The following SLC6A6 variants were observed in gnomAD, a reference collection of about 807,000 sequenced individuals.
The protein encoded by SLC6A6 is sodium- and chloride-dependent taurine transporter.
A neutral mutation model predicts 68.8 loss-of-function variants in SLC6A6; 16 were observed. The observed-to-expected ratio is 0.23, with a 90% confidence interval of 0.16 to 0.35. The LOEUF is 0.35. SLC6A6 is among the 10% of genes least tolerant of loss of function. SLC6A6 has a pLI of 1.00. For synonymous variants in SLC6A6, 312 were observed against 315.4 expected, an observed-to-expected ratio of 0.99 and a Z score of 0.12; for missense variants, 474 against 802.8, an observed-to-expected ratio of 0.59 and a Z score of 4.95.
intron 10 of SLC6A6, among the ~76,000 whole-genome samples, chr3:14,473,443 G>A (rs1700799532): frequency 1.3e-5 from 2 of 152,140 alleles, no homozygotes; most frequent in Admixed American, 6.5e-5. Context: ...GTTGGAGCTT[G>A]CAGCCAGGGC....
intron 14 of SLC6A6, among the ~76,000 whole-genome samples, chr3:14,482,434 C>T (rs1299582329): frequency 6.6e-6 from 1 of 152,260 alleles, no homozygotes; most frequent in South Asian, 2.1e-4. Context: ...AGAAATTCCT[C>T]CAACAGCCCT....
chr3:14,483,458 G>A (rs999556413), intron 14 of SLC6A6, among the ~76,000 whole-genome samples: 1 of 152,188 alleles, frequency 6.6e-6, no homozygotes, highest in Non-Finnish European at 1.5e-5. Context: ...CTCCTGTGTA[G>A]GCAGAGCCCC....
At chr3:14,458,235 T>TC in intron 6 of SLC6A6, among the ~76,000 whole-genome samples, 153 bp downstream of exon 6, 1 of 152,288 alleles carries the variant, frequency 6.6e-6, no homozygotes, top group African/African-American at 2.4e-5. Flanking sequence ...AAAGTAAAAC[T>TC]CAGGTTTGTT....
intron 8 of SLC6A6, 37 bp downstream of exon 8, chr3:14,467,993 AATGATG>A: frequency 6.2e-7 from 1 of 1,607,886 alleles, no homozygotes; most frequent in African/African-American, 1.3e-5. Context: ...GGACTTTAGA[AATGATG>A]ATGATGATGT....
chr3:14,409,290 G>A (rs1462735715), intron 1 of SLC6A6, among the ~76,000 whole-genome samples: 1 of 152,224 alleles, frequency 6.6e-6, no homozygotes, highest in East Asian at 1.9e-4. Context: ...CACCCCCAGT[G>A]CTGCCAGCTC....
In SLC6A6 at chr3:14,479,104, T is replaced by C. The variant is rs1574967928; in HGVS notation, c.1470T>C (p.Asp490=). The part of the protein sequence containing the change: ...AWIYGGDNLY[D]GIEDMIGYRP... ...TTGCAGGAGGTGATAACCTTTATGA[T>C]GGTATTGAGGACATGATTGGCTATC... The change falls in exon 13 of 15, where the codon GAT becomes GAC. Residue 490 remains aspartate, a synonymous_variant. Transcript: ENST00000622186. The C allele has an allele frequency of 6.2e-7, 1 of 1,611,636 alleles. No individual in the cohort carries two copies. The highest frequency in any genetic ancestry group is 1.1e-5 in the South Asian group (1 of 91,034).
intron 4 of SLC6A6, 149 bp from the exon 5 acceptor site, chr3:14,447,433 C>T: frequency 1.1e-6 from 1 of 912,798 alleles, no homozygotes; most frequent in Non-Finnish European, 1.7e-6. Context: ...ACCAGCCATC[C>T]ATTCACCCTA....
At chr3:14,467,637 AG>A (rs1213041393) in intron 7 of SLC6A6, among the ~76,000 whole-genome samples, 1 of 152,184 alleles carries the variant, frequency 6.6e-6, no homozygotes, top group Non-Finnish European at 1.5e-5. Flanking sequence ...CCCTGATGCT[AG>A]GTCGCTGGGA....
At chr3:14,479,813 G>T (rs947008524) in intron 13 of SLC6A6, among the ~76,000 whole-genome samples, 1 of 152,170 alleles carries the variant, frequency 6.6e-6, no homozygotes, top group Admixed American at 6.5e-5. Flanking sequence ...CTTCATGGTC[G>T]CACTCCAGGG....
At chr3:14,478,783 G>T (rs1700941521) in intron 12 of SLC6A6, 1 of 597,910 alleles carries the variant, frequency 1.7e-6, no homozygotes, top group African/African-American at 1.9e-5. Context: ...CACAGTTTCA[G>T]AACTTGGTTG....
rs1268966098 is a variant in SLC6A6 at position 14,468,688 on chromosome 3, ACT to A, written c.1096+479_1096+480del. 6.6e-6 allele frequency among the ~76,000 whole-genome samples: 1 copy of A among 151,916 alleles called. No individual in the cohort carries two copies. The highest frequency in any genetic ancestry group is 6.6e-5 in the Admixed American group (1 of 15,252). ...ACCGATTTCTCGTGAATGAGTCCCA[ACT>A]CTGTGTCAGGCACCACCGTAGGCAC... is the stretch of plus-strand genomic sequence containing the variant. On this transcript the variant is annotated intron_variant, in intron 9 of 14. Coordinates refer to ENST00000622186, the MANE Select transcript of SLC6A6 (RefSeq NM_003043.6). This position sits in a 1 kb window ranked among gnomAD's most constrained non-coding sequence, Gnocchi z 4.5.
intron 5 of SLC6A6, among the ~76,000 whole-genome samples, chr3:14,454,345 A>C (rs1700321515): frequency 1.3e-5 from 2 of 152,098 alleles, no homozygotes; most frequent in African/African-American, 4.8e-5. Flanking sequence ...TGGGGTACTT[A>C]GGAGGCACAG....
At chr3:14,464,251 A>G (rs999269774) in intron 6 of SLC6A6, among the ~76,000 whole-genome samples, 1 of 152,206 alleles carries the variant, frequency 6.6e-6, no homozygotes, top group Non-Finnish European at 1.5e-5. Flanking sequence ...GGGGAGAATC[A>G]GTAAACTGCC....
intron 5 of SLC6A6, chr3:14,448,150 T>G (rs1400287813): frequency 1.9e-5 from 18 of 968,028 alleles, no homozygotes; most frequent in Non-Finnish European, 2.3e-5. Flanking sequence ...CTTAATGTAT[T>G]TTAGGAAAAA....
At chr3:14,415,753 C>T (rs576990773) in intron 1 of SLC6A6, among the ~76,000 whole-genome samples, 3 of 152,156 alleles carry the variant, frequency 2.0e-5, no homozygotes, top group African/African-American at 2.4e-5. Flanking sequence ...TAGTCACGTC[C>T]GGGACTGCTT....
intron 5 of SLC6A6, among the ~76,000 whole-genome samples, chr3:14,455,807 A>T (rs1420927567): frequency 6.6e-6 from 1 of 152,188 alleles, no homozygotes; most frequent in Non-Finnish European, 1.5e-5. Flanking sequence ...CCAGATCCAC[A>T]TGCTTGGCAG....
intron 4 of SLC6A6, among the ~76,000 whole-genome samples, chr3:14,446,212 A>G (rs1386287760): frequency 6.6e-6 from 1 of 152,246 alleles, no homozygotes; most frequent in Non-Finnish European, 1.5e-5. Flanking sequence ...TGGTGCATAT[A>G]TACCATGGAA....
At position 14,402,914 on chromosome 3, in the gene SLC6A6, C is replaced by T; in HGVS notation, c.-54+67C>T. 2.6e-6 allele frequency: 1 copy of T among 387,986 alleles called. No individual in the cohort carries two copies. Among genetic ancestry groups the T allele is most frequent in the Middle Eastern group, 6.5e-4 (1 of 1,530 alleles). 24.0% of individuals were successfully genotyped at this position (387,986 alleles called of 1,614,324 possible). On this transcript the variant is annotated intron_variant, in intron 1 of 14. Transcript: ENST00000622186. This position sits in a 1 kb window ranked among gnomAD's most constrained non-coding sequence, Gnocchi z 4.8. ...CCGCCGTCTGCAGCCCCTCCCCATC[C>T]CCGCGTCGCCGCAGTCCCGGCCTCC...
chr3:14,419,781 C>A (rs986583291), intron 2 of SLC6A6, among the ~76,000 whole-genome samples: 6 of 151,996 alleles, frequency 3.9e-5, no homozygotes, highest in African/African-American at 1.5e-4. Flanking sequence ...TCATTTTATC[C>A]CCCAAGGTGA....
Sources: gnomAD v4.1 joint callset for allele counts (sites outside exome capture counted in the v4.1 genomes callset) on GRCh38, gnomAD v4.1.1 for gene constraint, Gnocchi (gnomAD v3.1) non-coding constraint, MANE v1.5 for transcripts, NCBI Gene and HGNC (gene_info 2026-07-23, HGNC 2026-07-21) for gene names.